Variants in EPHB1 observed in about 807,000 individuals in gnomAD.
EPHB1 encodes the protein EPH receptor B1.
EPHB1 carries 30 observed loss-of-function variants against 94.4 expected under a neutral mutation model. That is an observed-to-expected ratio of 0.32 (90% CI 0.24 to 0.43). EPHB1 has a LOEUF of 0.43. EPHB1 is among the 20% of genes least tolerant of loss of function. EPHB1 has a pLI of 1.00. For synonymous variants in EPHB1, 522 were observed against 489.1 expected, an observed-to-expected ratio of 1.07 and a Z score of -0.89; for missense variants, 1,055 against 1,308.3, an observed-to-expected ratio of 0.81 and a Z score of 2.99.
At chr3:135,040,687 C>T (rs1316611521) in intron 3 of EPHB1, among the ~76,000 whole-genome samples, 1 of 152,176 alleles carries the variant, frequency 6.6e-6, no homozygotes, top group Admixed American at 6.5e-5. Flanking sequence ...GGTCCTGAAG[C>T]CAGGGGTTGT....
chr3:134,941,848 G>A (rs572390929), intron 2 of EPHB1, among the ~76,000 whole-genome samples: 14 of 149,110 alleles, frequency 9.4e-5, no homozygotes, highest in Non-Finnish European at 1.8e-4. Context: ...ATGTCAACAG[G>A]CACTCTAGCA....
chr3:134,890,847 T>C lies in EPHB1; in HGVS notation c.59-34969T>C, dbSNP rs2037965978. 2.6e-5 allele frequency among the ~76,000 whole-genome samples: 4 copies of C among 152,236 alleles called. No homozygotes were observed. In the South Asian group the frequency reaches 8.3e-4, roughly 31 times the overall value. On this transcript the variant is annotated intron_variant, in intron 1 of 15. Transcript: ENST00000398015. ...TTTGTTGCTATTATAAGTGGGGTTT[T>C]TCTCTTTCAATTTATCTTGTTTGTA...
At chr3:135,213,606 A>G (rs1223302481) in intron 12 of EPHB1, among the ~76,000 whole-genome samples, 1 of 152,166 alleles carries the variant, frequency 6.6e-6, no homozygotes, top group Admixed American at 6.5e-5. Context: ...TCACGTACAC[A>G]CTCACAAACT....
intron 3 of EPHB1, among the ~76,000 whole-genome samples, chr3:134,989,904 G>C (rs563831045): frequency 6.6e-6 from 1 of 152,264 alleles, no homozygotes; most frequent in East Asian, 1.9e-4. Flanking sequence ...TGCTATGAAA[G>C]ATGAGGAAGT....
chr3:135,247,143 T>TA (rs1404771500), intron 13 of EPHB1, among the ~76,000 whole-genome samples: 1 of 152,130 alleles, frequency 6.6e-6, no homozygotes, highest in Non-Finnish European at 1.5e-5. Flanking sequence ...TTATAGAAAA[T>TA]AAAAAATTCA....
chr3:135,165,049 T>A (rs1941613988), intron 7 of EPHB1, among the ~76,000 whole-genome samples: 1 of 152,214 alleles, frequency 6.6e-6, no homozygotes. Flanking sequence ...TAATAGAACA[T>A]AAATAGCTTG....
intron 7 of EPHB1, among the ~76,000 whole-genome samples, chr3:135,165,625 C>T (rs1174187636): frequency 6.6e-6 from 1 of 152,140 alleles, no homozygotes; most frequent in Admixed American, 6.5e-5. Flanking sequence ...TTAGATAAGT[C>T]CCCTTCATTG....
chr3:135,198,884 G>T (rs928474546), intron 11 of EPHB1, among the ~76,000 whole-genome samples: 1 of 152,182 alleles, frequency 6.6e-6, no homozygotes, highest in Admixed American at 6.5e-5. Context: ...ACTTGCCCAA[G>T]CCCACACAAC....
intron 11 of EPHB1, among the ~76,000 whole-genome samples, chr3:135,194,404 A>G (rs1212904245): frequency 1.3e-5 from 2 of 152,236 alleles, no homozygotes; most frequent in African/African-American, 4.8e-5. Context: ...AATCTAGGGA[A>G]GGCTTCAAAG....
chr3:134,956,217 GAT>G (rs1418235979), intron 3 of EPHB1, among the ~76,000 whole-genome samples: 2 of 152,066 alleles, frequency 1.3e-5, no homozygotes, highest in Admixed American at 6.5e-5. Flanking sequence ...AGGCAGAGAA[GAT>G]ATGACTGTCA....
chr3:134,954,256 C>T (rs1331847566), intron 3 of EPHB1, among the ~76,000 whole-genome samples: 1 of 152,188 alleles, frequency 6.6e-6, no homozygotes, highest in African/African-American at 2.4e-5. Flanking sequence ...TAACTGGACT[C>T]TGATGGCTGG....
chr3:134,875,597 T>C (rs1172947528), intron 1 of EPHB1, among the ~76,000 whole-genome samples: 2 of 152,222 alleles, frequency 1.3e-5, no homozygotes, highest in Non-Finnish European at 2.9e-5. Flanking sequence ...TCAGTACTTC[T>C]GAACTTTAGT....
chr3:135,031,430 A>C (rs12637658), intron 3 of EPHB1, among the ~76,000 whole-genome samples: 38,568 of 151,902 alleles, frequency 0.25, 6,340 homozygotes, highest in East Asian at 0.71. Flanking sequence ...CTGCCTCAGC[A>C]TCCAGCGTAG....
intron 3 of EPHB1, among the ~76,000 whole-genome samples, chr3:134,968,079 A>G (rs1933832763): frequency 6.6e-6 from 1 of 152,226 alleles, no homozygotes; most frequent in Non-Finnish European, 1.5e-5. Flanking sequence ...CCATAGAAGT[A>G]TAGTTTTAAG....
chr3:135,183,455 A>G (rs1942245034), intron 10 of EPHB1, among the ~76,000 whole-genome samples: 1 of 152,178 alleles, frequency 6.6e-6, no homozygotes, highest in African/African-American at 2.4e-5. Context: ...CAGTTCAGAA[A>G]GATCTTTATT....
intron 1 of EPHB1, among the ~76,000 whole-genome samples, chr3:134,904,593 A>G (rs967961911): frequency 6.6e-6 from 1 of 152,180 alleles, no homozygotes; most frequent in Admixed American, 6.5e-5. Flanking sequence ...TTGACTCTGC[A>G]TGGGAAAAAG....
chr3:134,963,138 C>T (rs755806169), intron 3 of EPHB1, among the ~76,000 whole-genome samples: 3 of 48,004 alleles, frequency 6.2e-5, no homozygotes, highest in Non-Finnish European at 1.1e-4. Context: ...TCTCTTGCTC[C>T]TTCCTTCCTT....
chr3:135,021,242 CA>C (rs1389551273), intron 3 of EPHB1, among the ~76,000 whole-genome samples: 1 of 152,154 alleles, frequency 6.6e-6, no homozygotes, highest in Non-Finnish European at 1.5e-5. Context: ...CACCAGTAAA[CA>C]GCTGCCAATA....
chr3:135,113,067 G>A (rs1939526375), intron 4 of EPHB1, among the ~76,000 whole-genome samples: 1 of 152,192 alleles, frequency 6.6e-6, no homozygotes, highest in South Asian at 2.1e-4. Context: ...TGAAGGGGAG[G>A]TAGTCTGTGT....
Sources: allele counts gnomAD v4.1 joint callset (sites outside exome capture counted in the v4.1 genomes callset), GRCh38; gene constraint gnomAD v4.1.1; transcripts MANE v1.5; gene names NCBI Gene and HGNC (gene_info 2026-07-23, HGNC 2026-07-21).